Variants in PRDM2 observed in about 807,000 individuals in gnomAD.
PRDM2 encodes the protein PR domain zinc finger protein 2.
PRDM2 carries 30 observed loss-of-function variants against 130.0 expected under a neutral mutation model. That is an observed-to-expected ratio of 0.23 (90% confidence interval 0.17 to 0.31). The LOEUF is 0.31. Ranked by LOEUF, PRDM2 falls within the 10% of genes least tolerant of loss-of-function variation. The probability of loss-of-function intolerance (pLI) is 1.00; values close to 1 mark genes in which losing one functional copy is unlikely to be tolerated. For synonymous variants in PRDM2, 871 were observed against 782.4 expected (o/e 1.11, Z -1.89); for missense variants, 2,011 against 2,108.4 (o/e 0.95, Z 0.90).
intron 4 of PRDM2, among the ~76,000 whole-genome samples, chr1:13,735,383 C>T (rs747586030): frequency 9.2e-5 from 14 of 152,232 alleles, no homozygotes; most frequent in Non-Finnish European, 1.6e-4. Flanking sequence ...TCTCTTGACT[C>T]TCCCCATCCG....
chr1:13,787,219 T>C (rs1038775479), intron 8 of PRDM2: 22 of 983,724 alleles, frequency 2.2e-5, no homozygotes, highest in South Asian at 4.7e-5. Flanking sequence ...TTTATAACTA[T>C]TATATTATCA....
At position 13,733,676 on chromosome 1, in the gene PRDM2, T is replaced by A. The variant is rs552831746; in HGVS notation, c.231+794T>A. On this transcript the variant is annotated intron_variant, in intron 4 of 9. Transcript: ENST00000311066. ...ATATCTCCTAGGATAGTTGTGAAGATAAAATTTGTCGTTGTTGCTTTTGTT... is the reference window on the plus strand; with the variant it reads ...ATATCTCCTAGGATAGTTGTGAAGAAAAAATTTGTCGTTGTTGCTTTTGTT... Among the ~76,000 whole-genome samples the A allele has an allele frequency of 1.4e-4, 21 of 152,326 alleles. 1 individual carries two copies. Among genetic ancestry groups the A allele is most frequent in the African/African-American group, 5.1e-4 (21 of 41,564 alleles).
chr1:13,767,688 G>A (rs1431994312), intron 6 of PRDM2, among the ~76,000 whole-genome samples: 1 of 152,060 alleles, frequency 6.6e-6, no homozygotes, highest in Non-Finnish European at 1.5e-5. Flanking sequence ...GTAAAGTAAG[G>A]TATGCTGCTG....
chr1:13,763,612 A>G (rs922555569), intron 6 of PRDM2, among the ~76,000 whole-genome samples: 1 of 152,226 alleles, frequency 6.6e-6, no homozygotes, highest in African/African-American at 2.4e-5. Context: ...TCCAAATAGC[A>G]CTTGTAAAAC....
At chr1:13,737,365 C>T (rs1643303552) in intron 4 of PRDM2, among the ~76,000 whole-genome samples, 2 of 152,234 alleles carry the variant, frequency 1.3e-5, no homozygotes, top group Admixed American at 1.3e-4. Flanking sequence ...TCTGGTCATT[C>T]ATTTAAATAT....
chr1:13,781,401 T>C lies in PRDM2; in HGVS notation c.3606T>C (p.Phe1202=). 1.9e-6 allele frequency: 3 copies of C among 1,614,096 alleles called. No individual in the cohort carries two copies. Among genetic ancestry groups the C allele is most frequent in the Non-Finnish European group, 2.5e-6 (3 of 1,180,022 alleles). ...VCSVCKKEFA[F]LCNLQQHQRD... ...CTGTTTGTAAAAAAGAATTTGCTTT[T>C]TTGTGCAATTTGCAGCAGCACCAGC... Residue 1202 remains phenylalanine (F), a synonymous_variant, in exon 8 of 10, where the codon TTT becomes TTC. Transcript: ENST00000311066. The surrounding 1 kb of genome is among the most constrained non-coding windows in gnomAD (Gnocchi z 6.1).
chr1:13,796,579 G>A (rs1270080180), intron 8 of PRDM2, among the ~76,000 whole-genome samples: 1 of 152,046 alleles, frequency 6.6e-6, no homozygotes, highest in Non-Finnish European at 1.5e-5. Flanking sequence ...AACATAGTGA[G>A]ACCCCATCTC....
chr1:13,781,803 A>G lies in PRDM2; in HGVS notation c.4008A>G (p.Thr1336=), dbSNP rs534163401. ...CTTTCACTACCGCCATTCGCTGCACAAAGTGTGGAAAAGGTGTCGACAATA... is the reference window on the plus strand; with the variant it reads ...CTTTCACTACCGCCATTCGCTGCACGAAGTGTGGAAAAGGTGTCGACAATA... The part of the protein sequence containing the change: ...PQTFTTAIRC[T]KCGKGVDNMP... The change falls in exon 8 of 10, where the codon ACA becomes ACG. Residue 1336 remains threonine (T), a synonymous_variant. Transcript: ENST00000311066. The surrounding 1 kb of genome is among the most constrained non-coding windows in gnomAD (Gnocchi z 6.1). The G allele has an allele frequency of 1.2e-6, 2 of 1,614,210 alleles. No homozygotes were observed. The highest frequency in any genetic ancestry group is 2.2e-5 in the East Asian group (1 of 44,884).
chr1:13,715,253 TTTC>T (rs1425697789), intron 1 of PRDM2, among the ~76,000 whole-genome samples: 2 of 152,254 alleles, frequency 1.3e-5, no homozygotes, highest in African/African-American at 4.8e-5. Context: ...AGCTAATTTA[TTTC>T]TTCTTAGGAA....
At chr1:13,770,542 T>C (rs1214382557) in intron 6 of PRDM2, among the ~76,000 whole-genome samples, 1 of 152,126 alleles carries the variant, frequency 6.6e-6, no homozygotes, top group Admixed American at 6.5e-5. Context: ...TGCAAGTGAC[T>C]GTATTACAAG....
chr1:13,823,711 A>T lies in PRDM2; in HGVS notation c.*576A>T, dbSNP rs774622022. The T allele has an allele frequency of 5.6e-4, 86 of 153,996 alleles. No individual in the cohort carries two copies. The highest frequency in any genetic ancestry group is 1.1e-3 in the Non-Finnish European group (78 of 69,216). The allele number at this position is 153,996 out of a possible 1,614,324, so 9.5% of individuals were successfully genotyped here. A position where few individuals can be genotyped will look rare whatever the true frequency, so the allele number is the denominator to read the frequency against. On this transcript the variant is annotated 3_prime_UTR_variant, in exon 10 of 10. Coordinates refer to ENST00000311066, the MANE Select transcript of PRDM2 (RefSeq NM_001393986.1). Reference sequence around the variant, plus strand: ...CATGCCCCTCGGCCCCAGCACATGGAAAACCCCCTTCCTTGCCTAAGGTGT... The same window carrying T: ...CATGCCCCTCGGCCCCAGCACATGGTAAACCCCCTTCCTTGCCTAAGGTGT...
At chr1:13,820,848 G>A (rs575889951) in intron 9 of PRDM2, among the ~76,000 whole-genome samples, 1 of 152,132 alleles carries the variant, frequency 6.6e-6, no homozygotes, top group South Asian at 2.1e-4. Flanking sequence ...ACCCACACTT[G>A]CTGGCCACGC....
At chr1:13,707,821 C>CT (rs200792048) in intron 1 of PRDM2, among the ~76,000 whole-genome samples, 3,064 of 138,276 alleles carry the variant, frequency 0.022, 68 homozygotes, top group South Asian at 0.13. Flanking sequence ...GACAATAATT[C>CT]TTTTTTTTTT....
intron 2 of PRDM2, among the ~76,000 whole-genome samples, chr1:13,725,908 TC>T (rs1395050520): frequency 6.6e-6 from 1 of 152,226 alleles, no homozygotes; most frequent in Non-Finnish European, 1.5e-5. Context: ...TTATCTTGGC[TC>T]CACTACTTCA....
At chr1:13,702,188 T>A (rs905442919) in intron 1 of PRDM2, among the ~76,000 whole-genome samples, 1 of 152,210 alleles carries the variant, frequency 6.6e-6, no homozygotes, top group African/African-American at 2.4e-5. Context: ...ATATATATAT[T>A]TATTTACATT....
In PRDM2 at chr1:13,771,356, A is replaced by C. The variant is rs1464783749; in HGVS notation, c.512-1722A>C. ...TTTAAGTGCCTTTGGAAATGAATGG[A>C]TAGACAGGCTATCAGGAATTTATTT... On this transcript the variant is annotated intron_variant, in intron 6 of 9. Transcript: ENST00000311066. This position sits in a 1 kb window ranked among gnomAD's most constrained non-coding sequence, Gnocchi z 4.1. 6.6e-6 allele frequency among the ~76,000 whole-genome samples: 1 copy of C among 152,184 alleles called. No homozygotes were observed. The highest frequency in any genetic ancestry group is 1.5e-5 in the Non-Finnish European group (1 of 68,038).
chr1:13,744,787 T>A (rs1324169298), intron 5 of PRDM2, among the ~76,000 whole-genome samples: 1 of 152,246 alleles, frequency 6.6e-6, no homozygotes, highest in East Asian at 1.9e-4. Context: ...AGTCTTTATC[T>A]TTGATATCTG....
chr1:13,812,769 C>T (rs1474324501), intron 8 of PRDM2, among the ~76,000 whole-genome samples: 3 of 152,280 alleles, frequency 2.0e-5, no homozygotes, highest in Admixed American at 6.5e-5. Context: ...CCTCCTGCTC[C>T]GATGCTTCCT....
chr1:13,768,668 C>G (rs1287860216), intron 6 of PRDM2, among the ~76,000 whole-genome samples: 1 of 152,176 alleles, frequency 6.6e-6, no homozygotes, highest in Admixed American at 6.5e-5. Context: ...ACAGGTGTGA[C>G]CCACTGCTCC....
Sources: allele counts gnomAD v4.1 joint callset (sites outside exome capture counted in the v4.1 genomes callset), GRCh38; gene constraint gnomAD v4.1.1; non-coding constraint Gnocchi (gnomAD v3.1); transcripts MANE v1.5; gene names NCBI Gene and HGNC (gene_info 2026-07-23, HGNC 2026-07-21).